The following TAOK3 variants were observed in gnomAD, a reference collection of about 807,000 sequenced individuals.
The protein encoded by TAOK3 is TAO kinase 3, also known as serine/threonine-protein kinase TAO3.
TAOK3 carries 40 observed loss-of-function variants against 120.4 expected under a neutral mutation model. The observed-to-expected ratio is 0.33, with a 90% CI of 0.26 to 0.43. The LOEUF (loss-of-function observed/expected upper bound fraction) is 0.43. TAOK3 is among the 20% of genes least tolerant of loss of function. TAOK3 has a pLI of 1.00. For missense variants in TAOK3, 821 were observed against 1,112.1 expected, an observed-to-expected ratio of 0.74 and a Z score of 3.72; for synonymous variants, 355 against 387.5, an observed-to-expected ratio of 0.92 and a Z score of 0.99.
rs1003772259 is a variant in TAOK3, at chr12:118,150,810, G to A, written c.*187C>T. 5 of 615,192 alleles carry A rather than the reference G, an allele frequency of 8.1e-6. No homozygotes were observed. Among genetic ancestry groups the A allele is most frequent in the South Asian group, 4.8e-5 (2 of 42,060 alleles). The allele number at this position is 615,192 out of a possible 1,614,324, so 38.1% of individuals were successfully genotyped here. On this transcript the variant is annotated 3_prime_UTR_variant, in exon 21 of 21. Coordinates refer to ENST00000392533, the MANE Select transcript of TAOK3 (RefSeq NM_016281.4). ...GGCCAGCACTGAAAGTTGACACGGG[G>A]GGAGGAAGGGGGCCCCTGATGGAGT...
At chr12:118,156,548 A>G (rs1376795517) in intron 19 of TAOK3, among the ~76,000 whole-genome samples, 1 of 151,968 alleles carries the variant, frequency 6.6e-6, no homozygotes, top group Non-Finnish European at 1.5e-5. Flanking sequence ...CTAAACCTCT[A>G]TTTCAGACTT....
chr12:118,177,295 T>A lies in TAOK3; in HGVS notation c.1601A>T (p.Gln534Leu). 5.6e-6 allele frequency: 9 copies of A among 1,613,850 alleles called. No homozygotes were observed. Among genetic ancestry groups the A allele is most frequent in the Non-Finnish European group, 7.6e-6 (9 of 1,179,952 alleles). Residue 534 changes from glutamine (Q) to leucine (L), a missense_variant, in exon 16 of 21, where the codon CAG (glutamine) becomes CTG (leucine). Physicochemically the swap from Gln to Leu is moderately radical, Grantham distance 113 (BLOSUM62 -2). Coordinates refer to ENST00000392533, the MANE Select transcript of TAOK3 (RefSeq NM_016281.4). The part of the protein sequence containing the change: ...KVAAADEKKF[Q>L]QQILAQQKKD... ...CTTCTGCTGGGCCAAGATCTGTTGCTGGAACTTCTTCTCATCTGCTGCAGC... is the reference window on the plus strand; with the variant it reads ...CTTCTGCTGGGCCAAGATCTGTTGCAGGAACTTCTTCTCATCTGCTGCAGC...
At chr12:118,155,664 G>A (rs945207317) in intron 19 of TAOK3, among the ~76,000 whole-genome samples, 3 of 152,166 alleles carry the variant, frequency 2.0e-5, no homozygotes, top group Non-Finnish European at 4.4e-5. Context: ...CCCTGTCTCA[G>A]AAGAAAGGGC....
intron 17 of TAOK3, among the ~76,000 whole-genome samples, chr12:118,170,620 G>A (rs777050523): frequency 4.6e-5 from 7 of 152,190 alleles, no homozygotes; most frequent in African/African-American, 1.7e-4. Flanking sequence ...AAAATTAACC[G>A]GGCGTGGTGG....
chr12:118,315,811 G>C (rs1412685429), intron 1 of TAOK3, among the ~76,000 whole-genome samples: 2 of 152,014 alleles, frequency 1.3e-5, no homozygotes, highest in Non-Finnish European at 2.9e-5. Context: ...ATGCACATGA[G>C]AGAAAAAAAT....
chr12:118,162,090 C>T (rs2035258048), intron 17 of TAOK3, 63 bp from the exon 18 acceptor site: 4 of 1,585,546 alleles, frequency 2.5e-6, no homozygotes, highest in East Asian at 2.3e-5. Context: ...AAGGAATGCA[C>T]AACTAAGTGA....
At chr12:118,317,622 A>G (rs1325204668) in intron 1 of TAOK3, among the ~76,000 whole-genome samples, 2 of 152,034 alleles carry the variant, frequency 1.3e-5, no homozygotes, top group East Asian at 3.9e-4. Context: ...ACCTAAATAA[A>G]TAGAAAGACA....
At chr12:118,153,783 T>C (rs1252523042) in intron 19 of TAOK3, among the ~76,000 whole-genome samples, 1 of 152,262 alleles carries the variant, frequency 6.6e-6, no homozygotes, top group East Asian at 1.9e-4. Context: ...TGTGACAATA[T>C]ACATATCTTG....
In TAOK3 at chr12:118,371,958, T is replaced by C. The variant is rs1455549621; in HGVS notation, c.-194+690A>G. ...CTCCCACCCGCTGTCCCGGCCTCTC[T>C]CTAGGTGTCCTGCTCTCAGCCCCGC... On this transcript the variant is annotated intron_variant, in intron 1 of 20. Coordinates refer to ENST00000392533, the MANE Select transcript of TAOK3 (RefSeq NM_016281.4). This position sits in a 1 kb window ranked among gnomAD's most constrained non-coding sequence, Gnocchi z 5.5. Among the ~76,000 whole-genome samples, 1 of 147,516 alleles carries C rather than the reference T, an allele frequency of 6.8e-6. No homozygotes were observed. The highest frequency in any genetic ancestry group is 1.5e-5 in the Non-Finnish European group (1 of 66,642).
At chr12:118,274,722 A>C (rs1174230011) in intron 1 of TAOK3, among the ~76,000 whole-genome samples, 2 of 152,074 alleles carry the variant, frequency 1.3e-5, no homozygotes. Flanking sequence ...TCTGCCTCTC[A>C]GGTTCCAGAG....
chr12:118,307,511 A>G (rs993424012), intron 1 of TAOK3, among the ~76,000 whole-genome samples: 1 of 152,166 alleles, frequency 6.6e-6, no homozygotes, highest in Non-Finnish European at 1.5e-5. Flanking sequence ...AGAGAACCAT[A>G]ACTGGAAACA....
chr12:118,284,633 TAGAA>T (rs1263830899), intron 1 of TAOK3, among the ~76,000 whole-genome samples: 4 of 151,758 alleles, frequency 2.6e-5, no homozygotes, highest in African/African-American at 9.7e-5. Flanking sequence ...ATAAAGAAAA[TAGAA>T]AGAGATGGAG....
intron 13 of TAOK3, 126 bp downstream of exon 13, chr12:118,198,925 A>G: frequency 2.1e-6 from 2 of 948,044 alleles, no homozygotes; most frequent in Non-Finnish European, 3.3e-6. Context: ...AAACTGTCAC[A>G]TGCCAGGTTT....
At chr12:118,325,059 CT>C (rs1250892273) in intron 1 of TAOK3, among the ~76,000 whole-genome samples, 2 of 152,098 alleles carry the variant, frequency 1.3e-5, no homozygotes, top group Admixed American at 6.6e-5. Flanking sequence ...GAATTTCATT[CT>C]TTTTTATGGC....
intron 9 of TAOK3, among the ~76,000 whole-genome samples, chr12:118,223,217 C>T (rs1218008723): frequency 6.6e-6 from 1 of 150,752 alleles, no homozygotes; most frequent in African/African-American, 2.4e-5. Flanking sequence ...ACTACAGGTG[C>T]CCGCCACCAC....
intron 20 of TAOK3, among the ~76,000 whole-genome samples, chr12:118,151,791 C>G (rs2034462477): frequency 6.6e-6 from 1 of 152,086 alleles, no homozygotes; most frequent in African/African-American, 2.4e-5. Flanking sequence ...GCAATATCAG[C>G]CTATCATCAT....
chr12:118,270,662 A>G (rs1031846434), intron 1 of TAOK3, among the ~76,000 whole-genome samples: 1 of 148,830 alleles, frequency 6.7e-6, no homozygotes, highest in Non-Finnish European at 1.5e-5. Flanking sequence ...AGTCCAGCTA[A>G]ATGTCACTTT....
At chr12:118,365,572 T>C (rs1202938745) in intron 1 of TAOK3, among the ~76,000 whole-genome samples, 1 of 152,224 alleles carries the variant, frequency 6.6e-6, no homozygotes, top group Non-Finnish European at 1.5e-5. Context: ...TAGATATATG[T>C]ATTTTAAAAA....
Position 118,371,617 on chromosome 12 carries a change from T to G in TAOK3, c.-194+1031A>C, listed in dbSNP as rs1182909102. Among the ~76,000 whole-genome samples, 3 of 152,092 alleles carry G rather than the reference T, an allele frequency of 2.0e-5. No homozygotes were observed. The highest frequency in any genetic ancestry group is 4.4e-5 in the Non-Finnish European group (3 of 67,992). ...GGAGCACCTCCCCGCTCCACTCGTC[T>G]GCGCTGCAGCCGGTTCCTATTTGCC... On this transcript the variant is annotated intron_variant, in intron 1 of 20. Coordinates refer to ENST00000392533, the MANE Select transcript of TAOK3 (RefSeq NM_016281.4). The surrounding 1 kb of genome is among the most constrained non-coding windows in gnomAD (Gnocchi z 5.5).
Sources: allele counts gnomAD v4.1 joint callset (sites outside exome capture counted in the v4.1 genomes callset), GRCh38; gene constraint gnomAD v4.1.1; non-coding constraint Gnocchi (gnomAD v3.1); transcripts MANE v1.5; gene names NCBI Gene and HGNC (gene_info 2026-07-23, HGNC 2026-07-21).